The following ST3GAL3 variants were observed in gnomAD, a reference collection of about 807,000 sequenced individuals.
ST3GAL3 encodes ST3 beta-galactoside alpha-2,3-sialyltransferase 3, also known as CMP-N-acetylneuraminate-beta-1,4-galactoside alpha-2,3-sialyltransferase.
In ST3GAL3, 21 loss-of-function variants were observed where a neutral mutation model predicts 50.1. That is an observed-to-expected ratio of 0.42 (90% confidence interval 0.30 to 0.60). The LOEUF is 0.60. Among genes scored for constraint, ST3GAL3 ranks in the 20% least tolerant of loss-of-function variants. ST3GAL3 has a pLI of 0.19. For missense variants in ST3GAL3, 353 were observed against 489.4 expected (o/e 0.72, Z 2.63); for synonymous variants, 183 against 190.0 (o/e 0.96, Z 0.30).
At chr1:43,841,433 T>A (rs2065358650) in intron 5 of ST3GAL3, 1 of 152,248 alleles carries the variant, frequency 6.6e-6, no homozygotes, top group African/African-American at 2.4e-5. Context: ...TCCTCCATTC[T>A]TGCACTCTGT....
chr1:43,723,454 G>A (rs1489804377), intron 1 of ST3GAL3, among the ~76,000 whole-genome samples: 5 of 152,156 alleles, frequency 3.3e-5, no homozygotes, highest in Admixed American at 3.3e-4. Context: ...TTCCGCTTCT[G>A]CCATGAGTGG....
chr1:43,885,706 C>T (rs1237020557), intron 5 of ST3GAL3, among the ~76,000 whole-genome samples: 1 of 152,330 alleles, frequency 6.6e-6, no homozygotes, highest in East Asian at 1.9e-4. Context: ...CCATCTTTAC[C>T]ATCACCCCAC....
At chr1:43,822,352 G>A (rs1183729882) in intron 4 of ST3GAL3, among the ~76,000 whole-genome samples, 2 of 152,168 alleles carry the variant, frequency 1.3e-5, no homozygotes, top group South Asian at 2.1e-4. Flanking sequence ...TGCTGGGTGT[G>A]GGCAGGTGCT....
chr1:43,756,321 G>A (rs1019306543), intron 2 of ST3GAL3, among the ~76,000 whole-genome samples: 1 of 151,960 alleles, frequency 6.6e-6, no homozygotes, highest in African/African-American at 2.4e-5. Flanking sequence ...GTGAAGGGAG[G>A]GAGGGATTGC....
At chr1:43,751,040 G>A (rs1685867342) in intron 2 of ST3GAL3, among the ~76,000 whole-genome samples, 1 of 151,872 alleles carries the variant, frequency 6.6e-6, no homozygotes. Flanking sequence ...TGTATAAATT[G>A]GAAAAACCAA....
At chr1:43,767,720 T>C (rs1403645972) in intron 2 of ST3GAL3, among the ~76,000 whole-genome samples, 1 of 151,640 alleles carries the variant, frequency 6.6e-6, no homozygotes, top group Non-Finnish European at 1.5e-5. Context: ...AAATACCTAA[T>C]GTAGATGATG....
rs575398751 is a variant in ST3GAL3 at position 43,753,527 on chromosome 1, TCAC to T, written c.118+17151_118+17153del. On this transcript the variant is annotated intron_variant, in intron 2 of 11. Coordinates refer to ENST00000347631, the MANE Select transcript of ST3GAL3 (RefSeq NM_006279.5). The stretch of plus-strand genomic sequence containing the variant: ...TAGGCTGTGGACCATACTTTGAGAA[TCAC>T]CACTTGTTCTGAGAGGGTATGTGAT... 2.2e-4 allele frequency among the ~76,000 whole-genome samples: 33 copies of T among 152,332 alleles called. No individual in the cohort carries two copies. The South Asian group carries it at 6.8e-3, about 32-fold the overall frequency.
Position 43,858,077 on chromosome 1 carries a change from G to T in ST3GAL3, c.302+19766G>T, listed in dbSNP as rs1409858242. The T allele has an allele frequency of 7.2e-6, 9 of 1,254,190 alleles. No individual in the cohort carries two copies. The South Asian group carries it at 7.5e-5, about 10-fold the overall frequency. The allele number at this position is 1,254,190 out of a possible 1,614,324, so 77.7% of individuals were successfully genotyped here. A position where few individuals can be genotyped will look rare whatever the true frequency, so the allele number is the denominator to read the frequency against. ...AGAACAGGTTTTTGAAGTGAATAGG[G>T]CTGGGTTGCTCAACCTTTCTGAGCC... On this transcript the variant is annotated intron_variant, in intron 5 of 11. Transcript: ENST00000347631.
intron 9 of ST3GAL3, chr1:43,911,029 G>C (rs1409116595): frequency 2.0e-5 from 3 of 151,998 alleles, no homozygotes; most frequent in Non-Finnish European, 4.4e-5. Context: ...CCATCTTCTT[G>C]AGGGCAGAAT....
chr1:43,853,269 G>A (rs994066627), intron 5 of ST3GAL3, among the ~76,000 whole-genome samples: 1 of 152,226 alleles, frequency 6.6e-6, no homozygotes, highest in East Asian at 1.9e-4. Flanking sequence ...CCATGCTGCA[G>A]AGTGATACTA....
chr1:43,819,581 C>T (rs1379785477), intron 4 of ST3GAL3, among the ~76,000 whole-genome samples: 1 of 152,182 alleles, frequency 6.6e-6, no homozygotes, highest in Non-Finnish European at 1.5e-5. Context: ...TGAGAATTAT[C>T]TCCTCGCTCC....
At position 43,765,790 on chromosome 1, in the gene ST3GAL3, CGCGCGCGCGCGTCCGCGCGTCCGCGT is replaced by C. The variant is rs1292580277; in HGVS notation, c.119-26307_119-26282del. Among the ~76,000 whole-genome samples the C allele has an allele frequency of 8.5e-3, 1,260 of 148,436 alleles. 17 individuals carry two copies. The highest frequency in any genetic ancestry group is 0.031 in the African/African-American group (1,217 of 39,270). On this transcript the variant is annotated intron_variant, in intron 2 of 11. Transcript: ENST00000347631. ...GTGTGTGTGTGTGTGTGTGTGCGCG[CGCGCGCGCGCGTCCGCGCGTCCGCGT>C]GCGCTTTTTTTTTAGTGGTATAGGA...
At chr1:43,744,687 TAAAATA>T (rs1682766875) in intron 2 of ST3GAL3, among the ~76,000 whole-genome samples, 1 of 135,434 alleles carries the variant, frequency 7.4e-6, no homozygotes, top group South Asian at 2.3e-4. Flanking sequence ...AATAAATAAA[TAAAATA>T]AAATAAAAAA....
intron 5 of ST3GAL3, among the ~76,000 whole-genome samples, chr1:43,883,631 C>T (rs1213328272): frequency 6.6e-6 from 1 of 152,198 alleles, no homozygotes; most frequent in Non-Finnish European, 1.5e-5. Flanking sequence ...CACTTGCCTG[C>T]CCATTCTTCC....
chr1:43,759,065 G>GCACACACACA (rs1553285693), intron 2 of ST3GAL3, among the ~76,000 whole-genome samples: 182 of 75,428 alleles, frequency 2.4e-3, no homozygotes, highest in East Asian at 4.0e-3. Flanking sequence ...AAAAGCGCGC[G>GCACACACACA]CACACACACA....
At chr1:43,917,499 A>T (rs1225623645) in intron 9 of ST3GAL3, among the ~76,000 whole-genome samples, 5 of 71,990 alleles carry the variant, frequency 6.9e-5, no homozygotes, top group Admixed American at 2.8e-4. Context: ...AATATATATA[A>T]TATATTATAT....
At chr1:43,777,135 C>G (rs1160950287) in intron 2 of ST3GAL3, among the ~76,000 whole-genome samples, 3 of 152,014 alleles carry the variant, frequency 2.0e-5, no homozygotes, top group Admixed American at 2.0e-4. Flanking sequence ...AAAGCAAATC[C>G]CAGACATCAT....
At chr1:43,762,499 C>G (rs1400376231) in intron 2 of ST3GAL3, among the ~76,000 whole-genome samples, 1 of 152,032 alleles carries the variant, frequency 6.6e-6, no homozygotes, top group Non-Finnish European at 1.5e-5. Flanking sequence ...AGTTGCCTGG[C>G]AAAGAATTCA....
intron 6 of ST3GAL3, among the ~76,000 whole-genome samples, chr1:43,896,003 G>T (rs184980167): frequency 6.6e-6 from 1 of 152,302 alleles, no homozygotes; most frequent in East Asian, 1.9e-4. Context: ...TTCCTTAAAG[G>T]TGAAATTGGA....
Sources: gnomAD v4.1 joint callset for allele counts (sites outside exome capture counted in the v4.1 genomes callset) on GRCh38, gnomAD v4.1.1 for gene constraint, MANE v1.5 for transcripts, NCBI Gene and HGNC (gene_info 2026-07-23, HGNC 2026-07-21) for gene names.